The following KMO variants were observed in gnomAD, a reference collection of about 807,000 sequenced individuals.
KMO encodes kynurenine 3-monooxygenase.
A neutral mutation model predicts 57.8 loss-of-function variants in KMO; 24 were observed. That is an observed-to-expected ratio of 0.42 (90% CI 0.30 to 0.58). The LOEUF is 0.58. Ranked by LOEUF, KMO falls within the 20% of genes least tolerant of loss-of-function variation. The pLI is 0.22. For synonymous variants in KMO, 210 were observed against 193.6 expected, an observed-to-expected ratio of 1.08 and a Z score of -0.70; for missense variants, 483 against 588.2, an observed-to-expected ratio of 0.82 and a Z score of 1.85.
intron 2 of KMO, among the ~76,000 whole-genome samples, 191 bp downstream of exon 2, chr1:241,549,089 G>A (rs113774792): frequency 2.8e-3 from 428 of 151,608 alleles, no homozygotes; most frequent in African/African-American, 9.6e-3. Context: ...GGATTGCTTG[G>A]ACCCAGGAGG....
At chr1:241,550,058 A>G in intron 3 of KMO, 1 of 282,532 alleles carries the variant, frequency 3.5e-6, no homozygotes, top group Non-Finnish European at 6.6e-6. Context: ...GATGGCATCC[A>G]GGATAAAAGG....
At chr1:241,581,320 A>G (rs1418119283) in intron 10 of KMO, among the ~76,000 whole-genome samples, 7 of 152,092 alleles carry the variant, frequency 4.6e-5, no homozygotes, top group African/African-American at 1.7e-4. Flanking sequence ...TATTCCATTT[A>G]GTTTCAGTAT....
At chr1:241,577,602 G>A (rs1037891691) in intron 10 of KMO, among the ~76,000 whole-genome samples, 1 of 151,998 alleles carries the variant, frequency 6.6e-6, no homozygotes, top group Non-Finnish European at 1.5e-5. Flanking sequence ...ACAAGTTCAC[G>A]GTCTCCTATG....
chr1:241,585,886 T>G (rs991357125), intron 10 of KMO, among the ~76,000 whole-genome samples: 1 of 152,112 alleles, frequency 6.6e-6, no homozygotes, highest in African/African-American at 2.4e-5. Flanking sequence ...GTATTTAGTA[T>G]AGTACATTAC....
At chr1:241,554,975 C>G (rs1259481696) in intron 4 of KMO, among the ~76,000 whole-genome samples, 1 of 150,964 alleles carries the variant, frequency 6.6e-6, no homozygotes, top group Non-Finnish European at 1.5e-5. Context: ...GAGCAAGACT[C>G]TGTTTCAAAA....
Position 241,586,680 on chromosome 1 carries a change from G to A in KMO, c.959G>A (p.Gly320Asp), listed in dbSNP as rs2147983625. 6.3e-7 allele frequency: 1 copy of A among 1,591,942 alleles called. No homozygotes were observed. Among genetic ancestry groups the A allele is most frequent in the Non-Finnish European group, 8.6e-7 (1 of 1,168,724 alleles). The change falls in exon 11 of 15, where the codon GGC becomes GAC. Residue 320 changes from glycine to aspartate, a missense_variant and splice_region_variant. Gly to Asp is a moderately conservative substitution (Grantham distance 94). Transcript: ENST00000366559. ...VPFFGQGMNAGFEDCLVFDEL... is the reference protein window; with the variant it reads ...VPFFGQGMNADFEDCLVFDEL... ...TTCTCTTTTTTTTTCTTGTTTCAGG[G>A]CTTTGAAGACTGCTTGGTATTTGAT...
rs1285496466 is a variant in KMO at position 241,549,739 on chromosome 1, C to T, written c.187C>T (p.Arg63Ter). 6.8e-6 allele frequency: 11 copies of T among 1,612,928 alleles called. No individual in the cohort carries two copies. Among genetic ancestry groups the T allele is most frequent in the African/African-American group, 2.7e-5 (2 of 74,860 alleles). Residue 63 changes from arginine to a stop codon, truncating the protein, a stop_gained, in exon 3 of 15, where the codon CGA (arginine) becomes TGA (stop). Coordinates refer to ENST00000366559, the MANE Select transcript of KMO (RefSeq NM_003679.5). LOFTEE classifies it high-confidence loss of function. ...SINLALSHRG[R>*]QALKAVGLED... The stretch of plus-strand genomic sequence containing the variant: ...TAACTTAGCCCTTTCTCATAGAGGA[C>T]GACAAGCCTTGAAAGCTGTTGGCCT...
chr1:241,573,746 A>AT (rs1173059633), intron 10 of KMO, among the ~76,000 whole-genome samples: 1 of 151,712 alleles, frequency 6.6e-6, no homozygotes, highest in African/African-American at 2.4e-5. Context: ...ATTTGGGCTC[A>AT]TTTTTTGTCC....
intron 9 of KMO, among the ~76,000 whole-genome samples, chr1:241,567,443 G>A (rs1367780342): frequency 6.6e-6 from 1 of 152,014 alleles, no homozygotes; most frequent in South Asian, 2.1e-4. Flanking sequence ...ACTAATGGGG[G>A]GTCCACTCCC....
At chr1:241,557,413 CTG>C (rs201184302) in intron 5 of KMO, among the ~76,000 whole-genome samples, 1,611 of 152,274 alleles carry the variant, frequency 0.011, 20 homozygotes, top group Middle Eastern at 0.02. Flanking sequence ...TAAACAGAGA[CTG>C]TACATGATTT....
At chr1:241,538,390 A>G (rs1293572292) in intron 1 of KMO, among the ~76,000 whole-genome samples, 1 of 152,132 alleles carries the variant, frequency 6.6e-6, no homozygotes, top group Non-Finnish European at 1.5e-5. Flanking sequence ...AAGTAGTTTA[A>G]CTTGGGTAAG....
At chr1:241,586,191 CTTT>C (rs386370217) in intron 10 of KMO, among the ~76,000 whole-genome samples, 172 of 80,054 alleles carry the variant, frequency 2.1e-3, no homozygotes, top group African/African-American at 8.4e-3. Flanking sequence ...AGTCTATGGT[CTTT>C]TTTTTTTTTT....
rs3034552 is a variant in KMO, at chr1:241,592,755, C to CATCT, written c.*643_*646dup. On this transcript the variant is annotated 3_prime_UTR_variant, in exon 15 of 15. Coordinates refer to ENST00000366559, the MANE Select transcript of KMO (RefSeq NM_003679.5). Reference sequence around the variant, plus strand: ...ATCTATCATCTATCTATCTATCTATCATCTATCTATCTATCTATCTATCTA... The same window carrying CATCT: ...ATCTATCATCTATCTATCTATCTATCATCTATCTATCTATCTATCTATCTATCTA... 0.43 allele frequency: 59,274 copies of CATCT among 137,328 alleles called. 12,137 individuals are homozygous for CATCT. Among genetic ancestry groups the CATCT allele is most frequent in the Admixed American group, 0.48 (6,560 of 13,660 alleles). The allele number at this position is 137,328 out of a possible 1,614,324, so 8.5% of individuals were successfully genotyped here.
intron 2 of KMO, among the ~76,000 whole-genome samples, chr1:241,549,198 A>AAAGGAAGG (rs200533831): frequency 0.032 from 3,849 of 119,456 alleles, 277 homozygotes; most frequent in African/African-American, 0.11. Context: ...GAGAGAAAGA[A>AAAGGAAGG]AAGGAAGAAA....
intron 9 of KMO, 142 bp downstream of exon 9, chr1:241,566,754 C>T (rs2275163): frequency 0.31 from 259,922 of 844,098 alleles, 41,845 homozygotes; most frequent in East Asian, 0.39. Context: ...GAGCAAAAGT[C>T]TAAGTGGATA....
intron 1 of KMO, among the ~76,000 whole-genome samples, chr1:241,546,537 C>CA (rs1661156454): frequency 1.3e-5 from 2 of 151,976 alleles, no homozygotes; most frequent in African/African-American, 2.4e-5. Flanking sequence ...TAACTAGAGG[C>CA]AGAAAGGTGA....
At chr1:241,550,777 G>C (rs1661365081) in intron 3 of KMO, among the ~76,000 whole-genome samples, 178 bp from the exon 4 acceptor site, 1 of 152,010 alleles carries the variant, frequency 6.6e-6, no homozygotes, top group African/African-American at 2.4e-5. Context: ...CAAACTAAAA[G>C]CTTCAGGATC....
intron 1 of KMO, among the ~76,000 whole-genome samples, chr1:241,538,440 T>C (rs1660825655): frequency 6.6e-6 from 1 of 152,164 alleles, no homozygotes; most frequent in East Asian, 1.9e-4. Context: ...AACAAAAACT[T>C]TAAGCAACTA....
Position 241,560,685 on chromosome 1 carries a change from G to T in KMO, c.382G>T (p.Val128Leu). The change falls in exon 6 of 15, where the codon GTG becomes TTG. Residue 128 changes from valine to leucine, a missense_variant. Coordinates refer to ENST00000366559, the MANE Select transcript of KMO (RefSeq NM_003679.5). Reference protein sequence around the residue: ...LLTAAEKYPNVKMHFNHRLLK... With the variant: ...LLTAAEKYPNLKMHFNHRLLK... Reference sequence around the variant, plus strand: ...CTCAGCTGCTGAGAAATACCCCAATGTGAAAATGCACTTTAACCACAGGCT... The same window carrying T: ...CTCAGCTGCTGAGAAATACCCCAATTTGAAAATGCACTTTAACCACAGGCT... 8 of 1,613,156 alleles carry T rather than the reference G, an allele frequency of 5.0e-6. No homozygotes were observed. The highest frequency in any genetic ancestry group is 5.9e-6 in the Non-Finnish European group (7 of 1,179,148).
Sources: gnomAD v4.1 joint callset for allele counts (sites outside exome capture counted in the v4.1 genomes callset) on GRCh38, gnomAD v4.1.1 for gene constraint, MANE v1.5 for transcripts, NCBI Gene and HGNC (gene_info 2026-07-23, HGNC 2026-07-21) for gene names.